The following XYLT1 variants were observed in gnomAD, a reference collection of about 807,000 sequenced individuals.
The protein encoded by XYLT1 is xylosyltransferase 1, also known as beta-D-xylosyltransferase 1.
XYLT1 carries 36 observed loss-of-function variants against 91.3 expected under a neutral mutation model. The observed-to-expected ratio is 0.39, with a 90% CI of 0.30 to 0.52. The LOEUF (loss-of-function observed/expected upper bound fraction) is 0.52, where lower values mean the gene tolerates loss of function less well. Ranked by LOEUF, XYLT1 falls within the 20% of genes least tolerant of loss-of-function variation. The pLI, the probability that XYLT1 is intolerant of heterozygous loss-of-function variation, is 0.68. For synonymous variants in XYLT1, 588 were observed against 532.0 expected (o/e 1.11, Z -1.45); for missense variants, 1,242 against 1,284.5 (o/e 0.97, Z 0.51).
intron 8 of XYLT1, among the ~76,000 whole-genome samples, chr16:17,137,963 T>C (rs2030807674): frequency 1.3e-5 from 2 of 152,110 alleles, no homozygotes; most frequent in African/African-American, 2.4e-5. Flanking sequence ...GCCCTAGATA[T>C]ATACTTAAAA....
rs1177307426 is a variant in XYLT1, at chr16:17,103,912, A to C, written c.*4783T>G. ...TATCTTGTTTGCAAGGTAAACACAA[A>C]ACAAAACAAAACAAAACAAAAAAAC... On this transcript the variant is annotated 3_prime_UTR_variant, in exon 12 of 12. Transcript: ENST00000261381. 2.0e-5 allele frequency: 3 copies of C among 152,734 alleles called. No individual in the cohort carries two copies. The highest frequency in any genetic ancestry group is 4.4e-5 in the Non-Finnish European group (3 of 68,274). 9.5% of individuals were successfully genotyped at this position (152,734 alleles called of 1,614,324 possible). A position where few individuals can be genotyped will look rare whatever the true frequency, so the allele number is the denominator to read the frequency against.
At chr16:17,338,962 A>G (rs56307763) in intron 2 of XYLT1, among the ~76,000 whole-genome samples, 34,899 of 152,156 alleles carry the variant, frequency 0.23, 4,038 homozygotes, top group Admixed American at 0.24. Flanking sequence ...CACAGAACTG[A>G]TAACACTCCG....
chr16:17,154,783 G>C (rs1026141898), intron 6 of XYLT1, among the ~76,000 whole-genome samples: 5 of 152,188 alleles, frequency 3.3e-5, no homozygotes, highest in Non-Finnish European at 7.3e-5. Flanking sequence ...CACAGTGGGA[G>C]CCAGAAGTCC....
chr16:17,183,032 T>C (rs2032104798), intron 5 of XYLT1, among the ~76,000 whole-genome samples: 1 of 152,178 alleles, frequency 6.6e-6, no homozygotes, highest in African/African-American at 2.4e-5. Flanking sequence ...CCTTGGGTGA[T>C]CGGCTTTCCC....
intron 2 of XYLT1, among the ~76,000 whole-genome samples, chr16:17,288,860 T>C (rs1596467108): frequency 6.6e-6 from 1 of 152,126 alleles, no homozygotes; most frequent in East Asian, 1.9e-4. Context: ...ACCCAAAGAC[T>C]CTTGAACAGT....
chr16:17,138,592 G>T (rs2030856893), intron 7 of XYLT1, 61 bp from the exon 8 acceptor site: 1 of 1,568,052 alleles, frequency 6.4e-7, no homozygotes, highest in African/African-American at 1.3e-5. Flanking sequence ...ATGAACTGGG[G>T]TGGGAAATGG....
intron 2 of XYLT1, among the ~76,000 whole-genome samples, chr16:17,299,750 T>C (rs986134736): frequency 4.6e-5 from 7 of 152,154 alleles, no homozygotes; most frequent in South Asian, 2.1e-4. Flanking sequence ...TCTTATATAA[T>C]GAAGGCCCAG....
intron 2 of XYLT1, among the ~76,000 whole-genome samples, chr16:17,321,809 C>G (rs2034727227): frequency 6.6e-6 from 1 of 152,096 alleles, no homozygotes; most frequent in African/African-American, 2.4e-5. Flanking sequence ...TCTAAACATC[C>G]TACAGTACCT....
intron 10 of XYLT1, among the ~76,000 whole-genome samples, chr16:17,121,204 C>G (rs1256049315): frequency 6.6e-6 from 1 of 152,210 alleles, no homozygotes; most frequent in Non-Finnish European, 1.5e-5. Flanking sequence ...AAGATGGGAA[C>G]CCTCCAGAAC....
chr16:17,413,441 A>AT (rs34570613), intron 1 of XYLT1, among the ~76,000 whole-genome samples: 74,562 of 142,610 alleles, frequency 0.52, 20,779 homozygotes, highest in African/African-American at 0.71. Flanking sequence ...TTTTGTCATC[A>AT]TTTTTTTTTT....
chr16:17,371,645 CA>C (rs1161774076), intron 1 of XYLT1, among the ~76,000 whole-genome samples: 1 of 152,094 alleles, frequency 6.6e-6, no homozygotes, highest in Non-Finnish European at 1.5e-5. Context: ...AAGTATGTTC[CA>C]ACTTATCAAA....
intron 1 of XYLT1, among the ~76,000 whole-genome samples, chr16:17,469,559 T>A (rs1009237585): frequency 6.6e-6 from 1 of 152,114 alleles, no homozygotes; most frequent in Non-Finnish European, 1.5e-5. Flanking sequence ...GACAAGTCAG[T>A]TCCCCACCCA....
chr16:17,154,171 A>G (rs888043727), intron 6 of XYLT1, among the ~76,000 whole-genome samples: 1 of 152,206 alleles, frequency 6.6e-6, no homozygotes, highest in Non-Finnish European at 1.5e-5. Flanking sequence ...CATGATCATT[A>G]TTTGAATTTT....
intron 11 of XYLT1, among the ~76,000 whole-genome samples, 188 bp downstream of exon 11, chr16:17,117,458 C>G (rs951200573): frequency 6.6e-6 from 1 of 152,148 alleles, no homozygotes; most frequent in African/African-American, 2.4e-5. Flanking sequence ...GACATCATCT[C>G]CGTGTGCAGG....
intron 10 of XYLT1, 23 bp downstream of exon 10, chr16:17,127,643 T>C (rs1047049072): frequency 5.0e-6 from 8 of 1,603,938 alleles, no homozygotes; most frequent in Middle Eastern, 1.7e-4. Flanking sequence ...TACAATGAAA[T>C]GTGACAAGAC....
intron 5 of XYLT1, among the ~76,000 whole-genome samples, chr16:17,176,235 G>A (rs1597170455): frequency 1.3e-5 from 2 of 152,290 alleles, no homozygotes; most frequent in South Asian, 2.1e-4. Flanking sequence ...ACACAGTGGT[G>A]AGCAAAACAG....
intron 11 of XYLT1, among the ~76,000 whole-genome samples, chr16:17,116,593 G>A (rs897577997): frequency 3.3e-5 from 5 of 152,112 alleles, no homozygotes; most frequent in African/African-American, 7.2e-5. Context: ...CAATCAGACC[G>A]TTTCTGGTTT....
At chr16:17,219,280 C>CAAAAAAAAAAAAAAAA (rs369055155) in intron 3 of XYLT1, among the ~76,000 whole-genome samples, 29 of 84,950 alleles carry the variant, frequency 3.4e-4, no homozygotes, top group Middle Eastern at 7.0e-3. Context: ...GACTTTGTCT[C>CAAAAAAAAAAAAAAAA]AAAAAAAAAA....
In XYLT1 at chr16:17,189,590, A is replaced by T. The variant is rs116766726; in HGVS notation, c.1289+8622T>A. The stretch of plus-strand genomic sequence containing the variant: ...TGAGTATATTGACTGATAATTGGAT[A>T]AACAGATTGTGGTACAAGTATATCA... On this transcript the variant is annotated intron_variant, in intron 5 of 11. Coordinates refer to ENST00000261381, the MANE Select transcript of XYLT1 (RefSeq NM_022166.4). 7.3e-3 allele frequency among the ~76,000 whole-genome samples: 1,111 copies of T among 152,344 alleles called. 6 individuals are homozygous for T. Among genetic ancestry groups the T allele is most frequent in the African/African-American group, 0.026 (1,061 of 41,580 alleles).
Sources: gnomAD v4.1 joint callset for allele counts (sites outside exome capture counted in the v4.1 genomes callset) on GRCh38, gnomAD v4.1.1 for gene constraint, MANE v1.5 for transcripts, NCBI Gene and HGNC (gene_info 2026-07-23, HGNC 2026-07-21) for gene names.